CSMD1: variants seen among roughly 807,000 people sequenced by gnomAD.
CSMD1 encodes CUB and sushi domain-containing protein 1.
In CSMD1, 213 loss-of-function variants were observed where a neutral mutation model predicts 417.5. The ratio of observed to expected loss-of-function variants is 0.51; its 90% CI spans 0.46 to 0.57. CSMD1 has a LOEUF of 0.57. Among genes scored for constraint, CSMD1 ranks in the 20% least tolerant of loss-of-function variants. The pLI, the probability that CSMD1 is intolerant of heterozygous loss-of-function variation, is 0.00. For missense variants in CSMD1, 6,923 were observed against 4,529.7 expected (o/e 1.53, Z -15.17); for synonymous variants, 2,862 against 1,736.8 (o/e 1.65, Z -16.11).
In CSMD1 at chr8:4,472,228, A is replaced by G. The variant is rs182090609; in HGVS notation, c.303-52163T>C. Among the ~76,000 whole-genome samples the G allele has an allele frequency of 2.4e-3, 361 of 152,196 alleles. 1 individual carries two copies. The highest frequency in any genetic ancestry group is 7.7e-3 in the African/African-American group (318 of 41,560). On this transcript the variant is annotated intron_variant, in intron 2 of 69. Coordinates refer to ENST00000635120, the MANE Select transcript of CSMD1 (RefSeq NM_033225.6). ...TAGGAAATCTCAAAAATTATTTTAAAATCGAATAGTTCTTACACTTTTGCA... is the reference window on the plus strand; with the variant it reads ...TAGGAAATCTCAAAAATTATTTTAAGATCGAATAGTTCTTACACTTTTGCA...
At chr8:4,194,428 TAAC>T (rs1241999955) in intron 3 of CSMD1, among the ~76,000 whole-genome samples, 1 of 152,168 alleles carries the variant, frequency 6.6e-6, no homozygotes, top group African/African-American at 2.4e-5. Context: ...GTAAAATATC[TAAC>T]AATAAATGGT....
At chr8:2,966,047 GC>G in intron 58 of CSMD1, 93 bp from the exon 59 acceptor site, 1 of 1,142,590 alleles carries the variant, frequency 8.8e-7, no homozygotes, top group Non-Finnish European at 1.3e-6. Context: ...TCTCTGAGTT[GC>G]TATTCACAGT....
At chr8:3,660,854 T>C (rs1416854029) in intron 7 of CSMD1, among the ~76,000 whole-genome samples, 1 of 152,082 alleles carries the variant, frequency 6.6e-6, no homozygotes, top group Non-Finnish European at 1.5e-5. Context: ...TTAGATCAGA[T>C]TTGGAATTCA....
intron 25 of CSMD1, among the ~76,000 whole-genome samples, chr8:3,289,431 C>T (rs1166694533): frequency 1.4e-5 from 2 of 147,464 alleles, no homozygotes; most frequent in Non-Finnish European, 2.9e-5. Flanking sequence ...AACTAGTTTA[C>T]AGTCCCACCA....
At chr8:3,409,720 T>C in intron 12 of CSMD1, 115 bp from the exon 13 acceptor site, 1 of 751,264 alleles carries the variant, frequency 1.3e-6, no homozygotes. Context: ...ACATCATTTT[T>C]GTAAAGTGTT....
intron 18 of CSMD1, among the ~76,000 whole-genome samples, chr8:3,370,818 T>C (rs781121186): frequency 6.6e-6 from 1 of 152,018 alleles, no homozygotes; most frequent in Non-Finnish European, 1.5e-5. Context: ...TTATCAAAAA[T>C]ATAAATTATT....
Position 3,367,211 on chromosome 8 carries a change from C to G in CSMD1, c.2936G>C (p.Ser979Thr), listed in dbSNP as rs1809641142. ...TGTGATCAGTAAATAGTCGTGGGAA[C>G]TCTCAAGATGAAAGGTGTGAAAGAT... ...QMIFHTFHLE[S>T]SHDYLLITED... is the part of the protein sequence containing the mutation. The change falls in exon 20 of 70, where the codon AGT becomes ACT. Residue 979 changes from serine (S) to threonine (T), a missense_variant. Transcript: ENST00000635120. 1 of 1,613,126 alleles carries G rather than the reference C, an allele frequency of 6.2e-7. No homozygotes were observed. Among genetic ancestry groups the G allele is most frequent in the South Asian group, 1.1e-5 (1 of 90,924 alleles).
chr8:4,711,627 T>C (rs1259814965), intron 1 of CSMD1, among the ~76,000 whole-genome samples: 3 of 151,786 alleles, frequency 2.0e-5, no homozygotes, highest in East Asian at 3.9e-4. Context: ...GAATTATTTT[T>C]GCAGTCGGAA....
chr8:4,060,490 G>C (rs891082160), intron 3 of CSMD1, among the ~76,000 whole-genome samples: 13 of 152,150 alleles, frequency 8.5e-5, no homozygotes, highest in African/African-American at 3.1e-4. Flanking sequence ...GAAGGAAGGA[G>C]CTGAGGTTTT....
intron 10 of CSMD1, among the ~76,000 whole-genome samples, chr8:3,494,605 TAG>T (rs1796288703): frequency 7.0e-6 from 1 of 142,578 alleles, no homozygotes; most frequent in East Asian, 2.1e-4. Context: ...GATAGATAGA[TAG>T]ATGACAGATA....
At position 4,484,980 on chromosome 8, in the gene CSMD1, CAAAAAAAAAAAAAAAAA is replaced by C. The variant is rs57398278; in HGVS notation, c.303-64932_303-64916del. Among the ~76,000 whole-genome samples the C allele has an allele frequency of 6.9e-4, 37 of 53,940 alleles. 2 individuals are homozygous for C. The South Asian group carries it at 0.023, about 33-fold the overall frequency. 35.4% of individuals were successfully genotyped at this position (53,940 alleles called of 152,430 possible). A position where few individuals can be genotyped will look rare whatever the true frequency, so the allele number is the denominator to read the frequency against. ...TGGTTGACAGAGTGAGACTCTGCCTCAAAAAAAAAAAAAAAAAAAAAAAAAAAAAAAAAAAAAAAAGA... is the reference window on the plus strand; with the variant it reads ...TGGTTGACAGAGTGAGACTCTGCCTCAAAAAAAAAAAAAAAAAAAAAAAGA... On this transcript the variant is annotated intron_variant, in intron 2 of 69. Coordinates refer to ENST00000635120, the MANE Select transcript of CSMD1 (RefSeq NM_033225.6).
intron 3 of CSMD1, among the ~76,000 whole-genome samples, chr8:4,127,451 A>AT (rs1387343221): frequency 1.9e-5 from 1 of 51,330 alleles, no homozygotes; most frequent in African/African-American, 7.8e-5. Context: ...CCAAGCATTA[A>AT]TGAAAAAAAA....
intron 1 of CSMD1, among the ~76,000 whole-genome samples, chr8:4,637,998 C>A (rs1802944470): frequency 6.6e-6 from 1 of 152,126 alleles, no homozygotes; most frequent in Non-Finnish European, 1.5e-5. Context: ...TTTTATAATT[C>A]TTGCACAAAT....
At chr8:3,332,424 G>C (rs976515895) in intron 23 of CSMD1, among the ~76,000 whole-genome samples, 3 of 152,240 alleles carry the variant, frequency 2.0e-5, no homozygotes, top group Admixed American at 6.5e-5. Flanking sequence ...GGGAAGAGGA[G>C]AGGAGGGGCC....
chr8:3,870,486 G>A (rs1163893263), intron 5 of CSMD1, among the ~76,000 whole-genome samples: 4 of 152,032 alleles, frequency 2.6e-5, no homozygotes, highest in Non-Finnish European at 4.4e-5. Flanking sequence ...AGTTGAAATT[G>A]AGGGATTAAT....
chr8:4,189,627 C>G (rs1354217006), intron 3 of CSMD1, among the ~76,000 whole-genome samples: 1 of 152,150 alleles, frequency 6.6e-6, no homozygotes, highest in Non-Finnish European at 1.5e-5. Context: ...AGACCCCTAG[C>G]AAAGACCCTT....
rs189429496 is a variant in CSMD1, at chr8:3,784,578, T to G, written c.819-30536A>C. On this transcript the variant is annotated intron_variant, in intron 5 of 69. Coordinates refer to ENST00000635120, the MANE Select transcript of CSMD1 (RefSeq NM_033225.6). The stretch of plus-strand genomic sequence containing the variant: ...TAAAATGAATATTTAAATTTCTAAT[T>G]TATTAAGATGCTTCAATATATGCTT... Among the ~76,000 whole-genome samples the G allele has an allele frequency of 3.0e-3, 453 of 152,310 alleles. 1 individual carries two copies. Among genetic ancestry groups the G allele is most frequent in the African/African-American group, 0.01 (429 of 41,558 alleles).
chr8:3,349,832 A>ATATAG (rs1208862809), intron 21 of CSMD1, among the ~76,000 whole-genome samples: 1 of 138,374 alleles, frequency 7.2e-6, no homozygotes, highest in African/African-American at 2.6e-5. Flanking sequence ...AAATATATAT[A>ATATAG]ATATATCTAG....
At chr8:4,129,532 A>T (rs954846824) in intron 3 of CSMD1, among the ~76,000 whole-genome samples, 1 of 152,108 alleles carries the variant, frequency 6.6e-6, no homozygotes, top group Admixed American at 6.5e-5. Context: ...TAGGAATCCG[A>T]TTTTGAGATT....
Sources: allele counts gnomAD v4.1 joint callset (sites outside exome capture counted in the v4.1 genomes callset), GRCh38; gene constraint gnomAD v4.1.1; transcripts MANE v1.5; gene names NCBI Gene and HGNC (gene_info 2026-07-23, HGNC 2026-07-21).